Variants in CLDN6 observed in about 807,000 individuals in gnomAD.
CLDN6 encodes the protein claudin 6.
For missense variants in CLDN6, 279 were observed against 284.1 expected (o/e 0.98, Z 0.13); for synonymous variants, 144 against 131.2 (o/e 1.10, Z -0.67).
In CLDN6 at chr16:3,015,857, C is replaced by T. The variant is rs569805298; in HGVS notation, c.165G>A (p.Val55=). The change falls in exon 2 of 2, where the codon GTG becomes GTA. Residue 55 remains valine, a synonymous_variant. Transcript: ENST00000328796. The part of the protein sequence containing the change: ...VVWEGLWMSC[V]VQSTGQMQCK... ...ACTGCATCTGGCCGGTGCTCTGCAC[C>T]ACGCAGGACATCCACAGGCCCTCCC... 6.2e-6 allele frequency: 10 copies of T among 1,614,254 alleles called. No individual in the cohort carries two copies. Among genetic ancestry groups the T allele is most frequent in the African/African-American group, 1.3e-5 (1 of 75,074 alleles).
intron 1 of CLDN6, among the ~76,000 whole-genome samples, chr16:3,017,460 G>A (rs1410743890): frequency 5.3e-5 from 8 of 152,074 alleles, no homozygotes; most frequent in East Asian, 1.9e-4. Flanking sequence ...GACTAGGGCC[G>A]GGCTGTGGCC....
intron 1 of CLDN6, among the ~76,000 whole-genome samples, chr16:3,016,869 C>T (rs991956255): frequency 2.6e-5 from 4 of 151,944 alleles, no homozygotes; most frequent in Non-Finnish European, 5.9e-5. Flanking sequence ...AGGATGGTCT[C>T]GATCTCCTGA....
In CLDN6 at chr16:3,015,610, A is replaced by G. The variant is rs146315240; in HGVS notation, c.412T>C (p.Trp138Arg). Residue 138 changes from tryptophan (W) to arginine (R), a missense_variant, in exon 2 of 2, where the codon TGG (tryptophan) becomes CGG (arginine). Coordinates refer to ENST00000328796, the MANE Select transcript of CLDN6 (RefSeq NM_021195.5). ...TCCCGGATGATGGCATGCGCCGTCCAGCACACGGGGATTAGCGTCAGGACC... is the reference window on the plus strand; with the variant it reads ...TCCCGGATGATGGCATGCGCCGTCCGGCACACGGGGATTAGCGTCAGGACC... The part of the protein sequence containing the change: ...SGVLTLIPVC[W>R]TAHAIIRDFY... 5 of 1,613,132 alleles carry G rather than the reference A, an allele frequency of 3.1e-6. No homozygotes were observed. Among genetic ancestry groups the G allele is most frequent in the Non-Finnish European group, 4.2e-6 (5 of 1,180,054 alleles).
chr16:3,015,341 C>A lies in CLDN6; in HGVS notation c.*18G>T. ...CTGGATGGCTCTAGCGCCAGCGGAG[C>A]CCCCATTCCCCTCCACGTCAGACGT... is the stretch of plus-strand genomic sequence containing the variant. On this transcript the variant is annotated 3_prime_UTR_variant, in exon 2 of 2. Transcript: ENST00000328796. The A allele has an allele frequency of 1.3e-6, 2 of 1,515,140 alleles. No individual in the cohort carries two copies. The highest frequency in any genetic ancestry group is 1.8e-6 in the Non-Finnish European group (2 of 1,133,474). 93.9% of individuals were successfully genotyped at this position (1,515,140 alleles called of 1,614,324 possible).
At chr16:3,017,276 C>G (rs1052542880) in intron 1 of CLDN6, among the ~76,000 whole-genome samples, 28 of 152,204 alleles carry the variant, frequency 1.8e-4, no homozygotes, top group African/African-American at 6.8e-4. Flanking sequence ...CCTGGCCCCA[C>G]CCTTCTGACC....
chr16:3,015,356 A>C lies in CLDN6; in HGVS notation c.*3T>G. The C allele has an allele frequency of 2.0e-6, 3 of 1,518,958 alleles. No individual in the cohort carries two copies. The highest frequency in any genetic ancestry group is 2.6e-6 in the Non-Finnish European group (3 of 1,136,030). The allele number at this position is 1,518,958 out of a possible 1,614,324, so 94.1% of individuals were successfully genotyped here. A position where few individuals can be genotyped will look rare whatever the true frequency, so the allele number is the denominator to read the frequency against. ...GCCAGCGGAGCCCCCATTCCCCTCC[A>C]CGTCAGACGTAATTCTTGGTAGGGT... On this transcript the variant is annotated 3_prime_UTR_variant, in exon 2 of 2. Transcript: ENST00000328796.
At position 3,015,816 on chromosome 16, in the gene CLDN6, G is replaced by T; in HGVS notation, c.206C>A (p.Ser69Ter). Residue 69 changes from serine to a stop codon, truncating the protein, a stop_gained, in exon 2 of 2, where the codon TCA becomes TAA. Transcript: ENST00000328796. LOFTEE classifies it low-confidence loss of function (END_TRUNC). ...CAGGTCCTGTGGCAGCGCCAGCAGT[G>T]AGTCGTACACCTTGCACTGCATCTG... ...TGQMQCKVYD[S>*]LLALPQDLQA... is the part of the protein sequence containing the mutation. The T allele has an allele frequency of 6.2e-7, 1 of 1,614,132 alleles. No homozygotes were observed. The highest frequency in any genetic ancestry group is 1.1e-5 in the South Asian group (1 of 91,090).
In CLDN6 at chr16:3,015,360, C is replaced by T; in HGVS notation, c.662G>A (p.Ter221=). ...PSEYPTKNYV[*] ...GCGGAGCCCCCATTCCCCTCCACGT[C>T]AGACGTAATTCTTGGTAGGGTACTC... is the stretch of plus-strand genomic sequence containing the variant. The change falls in exon 2 of 2, where the codon TGA becomes TAA. Residue 221 remains the stop codon, a stop_retained_variant. Transcript: ENST00000328796. The T allele has an allele frequency of 1.3e-6, 2 of 1,520,566 alleles. No individual in the cohort carries two copies. Among genetic ancestry groups the T allele is most frequent in the Non-Finnish European group, 1.8e-6 (2 of 1,136,948 alleles). 94.2% of individuals were successfully genotyped at this position (1,520,566 alleles called of 1,614,324 possible).
At chr16:3,017,392 C>G (rs1405727573) in intron 1 of CLDN6, among the ~76,000 whole-genome samples, 2 of 152,236 alleles carry the variant, frequency 1.3e-5, no homozygotes, top group African/African-American at 4.8e-5. Context: ...TCTCCCACCG[C>G]CACCTGGCCT....
At chr16:3,017,522 G>C (rs935504400) in intron 1 of CLDN6, among the ~76,000 whole-genome samples, 2 of 152,108 alleles carry the variant, frequency 1.3e-5, no homozygotes, top group African/African-American at 4.8e-5. Flanking sequence ...AACTTTTCCC[G>C]GCCGGCAGCG....
intron 1 of CLDN6, among the ~76,000 whole-genome samples, chr16:3,017,764 C>T (rs113336954): frequency 1.6e-4 from 24 of 151,964 alleles, no homozygotes; most frequent in African/African-American, 5.3e-4. Flanking sequence ...TGTCCGAGGG[C>T]GCCCCGGCCC....
Position 3,015,573 on chromosome 16 carries a change from G to A in CLDN6, c.449C>T (p.Pro150Leu), listed in dbSNP as rs558720935. 8 of 1,613,146 alleles carry A rather than the reference G, an allele frequency of 5.0e-6. No homozygotes were observed. In the African/African-American group the frequency reaches 1.1e-4, roughly 21 times the overall value. ...AHAIIRDFYN[P>L]LVAEAQKREL... ...CCGCTTTTGGGCCTCAGCCACCAGGGGGTTATAGAAGTCCCGGATGATGGC... is the reference window on the plus strand; with the variant it reads ...CCGCTTTTGGGCCTCAGCCACCAGGAGGTTATAGAAGTCCCGGATGATGGC... Residue 150 changes from proline to leucine, a missense_variant, in exon 2 of 2, where the codon CCC becomes CTC. Coordinates refer to ENST00000328796, the MANE Select transcript of CLDN6 (RefSeq NM_021195.5).
At chr16:3,016,090 A>G in intron 1 of CLDN6, 48 bp from the exon 2 acceptor site, 1 of 1,516,118 alleles carries the variant, frequency 6.6e-7, no homozygotes, top group Non-Finnish European at 8.9e-7. Context: ...GCAGGCCCAG[A>G]CCTCAGGCCA....
chr16:3,017,737 C>G (rs777640437), intron 1 of CLDN6, among the ~76,000 whole-genome samples: 64 of 152,074 alleles, frequency 4.2e-4, no homozygotes, highest in Non-Finnish European at 8.0e-4. Context: ...TTTTCATGCA[C>G]TGCATGAAAA....
chr16:3,017,625 C>A (rs1455642142), intron 1 of CLDN6, among the ~76,000 whole-genome samples: 2 of 152,086 alleles, frequency 1.3e-5, no homozygotes, highest in Non-Finnish European at 2.9e-5. Context: ...GGTGCCCCAG[C>A]GCTCAGGTCC....
chr16:3,016,003 G>T lies in CLDN6; in HGVS notation c.19C>A (p.Gln7Lys), dbSNP rs764277596. 2 of 1,613,614 alleles carry T rather than the reference G, an allele frequency of 1.2e-6. No homozygotes were observed. The highest frequency in any genetic ancestry group is 2.7e-5 in the African/African-American group (2 of 75,062). Reference protein sequence around the residue: MASAGMQILGVVLTLLG... With the variant: MASAGMKILGVVLTLLG... ...AGTGTCAGGACGACTCCCAGGATCT[G>T]CATTCCGGCAGAGGCCATGGCGAGG... Residue 7 changes from glutamine (Q) to lysine (K), a missense_variant, in exon 2 of 2, where the codon CAG becomes AAG. By Grantham distance (53) the Gln-to-Lys change is moderately conservative (BLOSUM62 1). Coordinates refer to ENST00000328796, the MANE Select transcript of CLDN6 (RefSeq NM_021195.5).
rs2072553320 is a variant in CLDN6, at chr16:3,014,751, T to C, written c.*608A>G. On this transcript the variant is annotated 3_prime_UTR_variant, in exon 2 of 2. Transcript: ENST00000328796. ...ATGCTTTATTTGATAAAAATGTGAGTGTAAAGGGGGTGAGACGAGGGGGGC... is the reference window on the plus strand; with the variant it reads ...ATGCTTTATTTGATAAAAATGTGAGCGTAAAGGGGGTGAGACGAGGGGGGC... 1 of 163,376 alleles carries C rather than the reference T, an allele frequency of 6.1e-6. No homozygotes were observed. Among genetic ancestry groups the C allele is most frequent in the Admixed American group, 8.0e-5 (1 of 12,554 alleles). The allele number at this position is 163,376 out of a possible 1,614,324, so 10.1% of individuals were successfully genotyped here. A position where few individuals can be genotyped will look rare whatever the true frequency, so the allele number is the denominator to read the frequency against.
intron 1 of CLDN6, among the ~76,000 whole-genome samples, chr16:3,017,946 G>C (rs372514766): frequency 5.9e-4 from 89 of 151,578 alleles, no homozygotes; most frequent in African/African-American, 2.1e-3. Context: ...CCCTGGGGAG[G>C]GGGGAGGGGC....
Position 3,015,443 on chromosome 16 carries a change from G to T in CLDN6, c.579C>A (p.Pro193=). 1 of 1,568,486 alleles carries T rather than the reference G, an allele frequency of 6.4e-7. No individual in the cohort carries two copies. Among genetic ancestry groups the T allele is most frequent in the East Asian group, 2.2e-5 (1 of 44,466 alleles). Reference sequence around the variant, plus strand: ...TTGAGTAGCGGGCCATGTAATGGCTGGGGCCCTGGGACCCCCCCGAGGGGC... The same window carrying T: ...TTGAGTAGCGGGCCATGTAATGGCTTGGGCCCTGGGACCCCCCCGAGGGGC... The part of the protein sequence containing the change: ...CTCPSGGSQG[P]SHYMARYSTS... The change falls in exon 2 of 2, where the codon CCC becomes CCA. Residue 193 remains proline, a synonymous_variant. Coordinates refer to ENST00000328796, the MANE Select transcript of CLDN6 (RefSeq NM_021195.5).
Sources: gnomAD v4.1 joint callset for allele counts (sites outside exome capture counted in the v4.1 genomes callset) on GRCh38, gnomAD v4.1.1 for gene constraint, MANE v1.5 for transcripts, NCBI Gene and HGNC (gene_info 2026-07-23, HGNC 2026-07-21) for gene names.